The following ARID5B variants were observed in gnomAD, a reference collection of about 807,000 sequenced individuals.
The protein encoded by ARID5B is AT-rich interaction domain 5B, also known as AT-rich interactive domain-containing protein 5B.
In ARID5B, 13 loss-of-function variants were observed where a neutral mutation model predicts 97.2. That is an observed-to-expected ratio of 0.13 (90% CI 0.09 to 0.21). ARID5B has a LOEUF of 0.21. Among genes scored for constraint, ARID5B ranks in the 10% least tolerant of loss-of-function variants. The probability of loss-of-function intolerance (pLI) is 1.00; values close to 1 mark genes in which losing one functional copy is unlikely to be tolerated. For missense variants in ARID5B, 1,210 were observed against 1,465.3 expected, an observed-to-expected ratio of 0.83 and a Z score of 2.84; for synonymous variants, 556 against 570.3, an observed-to-expected ratio of 0.97 and a Z score of 0.36.
At chr10:61,937,648 T>C (rs559265905) in intron 2 of ARID5B, among the ~76,000 whole-genome samples, 101 of 152,330 alleles carry the variant, frequency 6.6e-4, no homozygotes, top group African/African-American at 2.3e-3. Flanking sequence ...ATTTATCCAG[T>C]GCTAATTCTC....
At chr10:61,930,745 A>ATAAATAAATAAATAAATAAATAAC (rs1227162794) in intron 2 of ARID5B, among the ~76,000 whole-genome samples, 1 of 151,552 alleles carries the variant, frequency 6.6e-6, no homozygotes, top group Non-Finnish European at 1.5e-5. Flanking sequence ...AAATAAATAA[A>ATAAATAAATAAATAAATAAATAAC]TAAATAAGAT....
At chr10:62,085,232 C>T (rs566874556) in intron 8 of ARID5B, among the ~76,000 whole-genome samples, 57 of 152,304 alleles carry the variant, frequency 3.7e-4, no homozygotes, top group African/African-American at 1.3e-3. Flanking sequence ...CTGGCACATG[C>T]TAGTACCTAC....
At chr10:61,999,937 T>A (rs1247026033) in intron 3 of ARID5B, among the ~76,000 whole-genome samples, 154 bp from the exon 4 acceptor site, 1 of 152,026 alleles carries the variant, frequency 6.6e-6, no homozygotes, top group African/African-American at 2.4e-5. Context: ...ATGGGTGAAG[T>A]GGGGCTGGGA....
At chr10:61,998,976 G>A (rs1431210290) in intron 3 of ARID5B, among the ~76,000 whole-genome samples, 1 of 152,240 alleles carries the variant, frequency 6.6e-6, no homozygotes, top group African/African-American at 2.4e-5. Flanking sequence ...GACTGGCAGA[G>A]TTGCCACTAT....
chr10:62,017,987 T>A (rs1482327484), intron 4 of ARID5B, among the ~76,000 whole-genome samples: 1 of 152,218 alleles, frequency 6.6e-6, no homozygotes, highest in Non-Finnish European at 1.5e-5. Context: ...TATCTTACTT[T>A]GAAAGAATAT....
intron 4 of ARID5B, chr10:62,024,874 C>T (rs1162148225): frequency 8.4e-6 from 3 of 358,014 alleles, no homozygotes; most frequent in Non-Finnish European, 1.5e-5. Context: ...GGCTCTGTAC[C>T]AAAGACACTT....
At chr10:61,929,001 C>T (rs1239498059) in intron 2 of ARID5B, among the ~76,000 whole-genome samples, 1 of 152,148 alleles carries the variant, frequency 6.6e-6, no homozygotes, top group Non-Finnish European at 1.5e-5. Context: ...ATTCTTCCCC[C>T]TACCCGTCTC....
At chr10:62,066,328 A>G (rs1329862945) in intron 7 of ARID5B, among the ~76,000 whole-genome samples, 1 of 152,212 alleles carries the variant, frequency 6.6e-6, no homozygotes, top group Non-Finnish European at 1.5e-5. Flanking sequence ...CCAAAAAAAC[A>G]GAGATGTGTG....
In ARID5B at chr10:61,996,892, A is replaced by AT. The variant is rs200721338; in HGVS notation, c.503-3199_503-3198insT. 3.5e-3 allele frequency among the ~76,000 whole-genome samples: 517 copies of AT among 148,842 alleles called. 8 individuals carry two copies. The highest frequency in any genetic ancestry group is 0.025 in the Admixed American group (375 of 15,050). On this transcript the variant is annotated intron_variant, in intron 3 of 9. Transcript: ENST00000279873. ...TTTAAAAGTCTGACAACTGAAAAAA[A>AT]AAAATATATATATATATATATTTCA...
In ARID5B at chr10:62,087,951, G is replaced by A. The variant is rs150237703; in HGVS notation, c.1398+2051G>A. ...GCAATCTCGGTTCATTGCAACCTCC[G>A]CCTCCCAGGTTCAAGCAATTCTCCT... On this transcript the variant is annotated intron_variant, in intron 9 of 9. Transcript: ENST00000279873. Among the ~76,000 whole-genome samples, 800 of 150,678 alleles carry A rather than the reference G, an allele frequency of 5.3e-3. 3 individuals carry two copies. The highest frequency in any genetic ancestry group is 0.018 in the African/African-American group (728 of 40,892).
At chr10:61,988,847 C>A (rs1195278124) in intron 3 of ARID5B, among the ~76,000 whole-genome samples, 1 of 151,630 alleles carries the variant, frequency 6.6e-6, no homozygotes, top group African/African-American at 2.4e-5. Flanking sequence ...TCAAGAGATG[C>A]TATAAATGTA....
At chr10:61,985,668 A>AAG (rs1390434309) in intron 3 of ARID5B, among the ~76,000 whole-genome samples, 1 of 152,162 alleles carries the variant, frequency 6.6e-6, no homozygotes, top group Non-Finnish European at 1.5e-5. Flanking sequence ...ACATATATGT[A>AAG]ATCGTATCAT....
chr10:62,017,151 T>G (rs1485223124), intron 4 of ARID5B, among the ~76,000 whole-genome samples: 1 of 152,226 alleles, frequency 6.6e-6, no homozygotes, highest in Non-Finnish European at 1.5e-5. Context: ...TACATACGTT[T>G]GTATATTCAT....
rs138804966 is a variant in ARID5B, at chr10:62,066,645, C to T, written c.1102-3055C>T. On this transcript the variant is annotated intron_variant, in intron 7 of 9. Coordinates refer to ENST00000279873, the MANE Select transcript of ARID5B (RefSeq NM_032199.3). ...CTTGATGTTGGCTTCCTGTGGCTAC[C>T]GTTTCAAACCTAGTATGAGATAGAT... 4.9e-3 allele frequency among the ~76,000 whole-genome samples: 741 copies of T among 152,274 alleles called. 7 individuals are homozygous for T. Among genetic ancestry groups the T allele is most frequent in the Non-Finnish European group, 8.3e-3 (566 of 68,026 alleles).
At chr10:61,985,874 G>GA (rs1185163268) in intron 3 of ARID5B, among the ~76,000 whole-genome samples, 3 of 152,062 alleles carry the variant, frequency 2.0e-5, no homozygotes, top group Admixed American at 1.3e-4. Context: ...TTGTGCTGGC[G>GA]AGGTGTGTTC....
At chr10:62,067,335 G>A (rs1177997685) in intron 7 of ARID5B, among the ~76,000 whole-genome samples, 6 of 152,154 alleles carry the variant, frequency 3.9e-5, no homozygotes, top group African/African-American at 4.8e-5. Flanking sequence ...CGCCCGCCTC[G>A]GCCTCCCAAA....
chr10:61,997,381 G>T (rs1333289208), intron 3 of ARID5B, among the ~76,000 whole-genome samples: 1 of 151,852 alleles, frequency 6.6e-6, no homozygotes, highest in East Asian at 1.9e-4. Context: ...CATGAAAAAT[G>T]GTTAGAGAAA....
chr10:62,002,497 G>T (rs1024415981), intron 4 of ARID5B, among the ~76,000 whole-genome samples: 52 of 152,250 alleles, frequency 3.4e-4, no homozygotes, highest in Non-Finnish European at 5.1e-4. Context: ...ACTTCTTACA[G>T]ACTTTCATGT....
At chr10:61,945,558 G>A (rs1418006922) in intron 3 of ARID5B, among the ~76,000 whole-genome samples, 3 of 152,104 alleles carry the variant, frequency 2.0e-5, no homozygotes, top group Non-Finnish European at 4.4e-5. Context: ...ACTTTGGATT[G>A]CTGGTTTCAC....
Sources: allele counts gnomAD v4.1 joint callset (sites outside exome capture counted in the v4.1 genomes callset), GRCh38; gene constraint gnomAD v4.1.1; transcripts MANE v1.5; gene names NCBI Gene and HGNC (gene_info 2026-07-23, HGNC 2026-07-21).